The following CHCHD6 variants were observed in gnomAD, a reference collection of about 807,000 sequenced individuals.
CHCHD6 encodes the protein coiled-coil-helix-coiled-coil-helix domain containing 6, also known as MICOS complex subunit MIC25.
CHCHD6 carries 28 observed loss-of-function variants against 32.3 expected under a neutral mutation model. The ratio of observed to expected loss-of-function variants is 0.87; its 90% confidence interval spans 0.64 to 1.19. The LOEUF (loss-of-function observed/expected upper bound fraction) is 1.19. Ranked by LOEUF, CHCHD6 falls within the 50% of genes most tolerant of loss-of-function variation. CHCHD6 has a pLI of 0.00. For missense variants in CHCHD6, 333 were observed against 307.0 expected (o/e 1.08, Z -0.63); for synonymous variants, 122 against 117.5 (o/e 1.04, Z -0.25).
intron 6 of CHCHD6, among the ~76,000 whole-genome samples, chr3:126,916,337 G>T (rs752074346): frequency 2.6e-5 from 4 of 151,868 alleles, no homozygotes; most frequent in Non-Finnish European, 5.9e-5. Flanking sequence ...GGAGGCGGAG[G>T]TTGCAGTGAG....
intron 1 of CHCHD6, among the ~76,000 whole-genome samples, chr3:126,718,536 C>T (rs1194108658): frequency 6.6e-6 from 1 of 152,228 alleles, no homozygotes; most frequent in Non-Finnish European, 1.5e-5. Context: ...GACTGCAAAG[C>T]ACTGAGTTCC....
intron 1 of CHCHD6, among the ~76,000 whole-genome samples, chr3:126,717,768 G>GGTGT (rs1553723716): frequency 3.6e-4 from 51 of 142,338 alleles, no homozygotes; most frequent in Non-Finnish European, 6.1e-4. Flanking sequence ...AGTGCTGAGG[G>GGTGT]GTGTGTGTGT....
intron 6 of CHCHD6, among the ~76,000 whole-genome samples, chr3:126,934,155 A>G (rs2078444302): frequency 6.6e-6 from 1 of 152,248 alleles, no homozygotes; most frequent in African/African-American, 2.4e-5. Flanking sequence ...ATTTGCAGCT[A>G]CAGAGGATAT....
At chr3:126,763,382 A>G (rs1937236472) in intron 4 of CHCHD6, among the ~76,000 whole-genome samples, 1 of 144,864 alleles carries the variant, frequency 6.9e-6, no homozygotes, top group Non-Finnish European at 1.5e-5. Context: ...GCTGCAGTAC[A>G]GTGGCATGAT....
chr3:126,814,625 G>T (rs1395350610), intron 4 of CHCHD6, among the ~76,000 whole-genome samples: 1 of 152,218 alleles, frequency 6.6e-6, no homozygotes, highest in Admixed American at 6.5e-5. Flanking sequence ...ACACTTAGAA[G>T]TTCCTGGAGA....
chr3:126,956,223 G>A (rs1332497909), intron 6 of CHCHD6, among the ~76,000 whole-genome samples: 1 of 152,194 alleles, frequency 6.6e-6, no homozygotes, highest in African/African-American at 2.4e-5. Flanking sequence ...CTTGAGGAAT[G>A]GCTTTCTACA....
At chr3:126,775,672 A>G (rs887579394) in intron 4 of CHCHD6, among the ~76,000 whole-genome samples, 2 of 152,228 alleles carry the variant, frequency 1.3e-5, no homozygotes, top group African/African-American at 2.4e-5. Context: ...CTAAAACTCT[A>G]GAGGTTAAGG....
intron 4 of CHCHD6, among the ~76,000 whole-genome samples, chr3:126,766,144 A>C (rs1386370783): frequency 6.6e-6 from 1 of 151,550 alleles, no homozygotes; most frequent in African/African-American, 2.4e-5. Context: ...AAAAAACTTA[A>C]AAAAAAACCT....
intron 5 of CHCHD6, chr3:126,865,681 C>G (rs1484642328): frequency 1.0e-6 from 1 of 985,256 alleles, no homozygotes; most frequent in African/African-American, 1.7e-5. Flanking sequence ...ACTGCCCCCA[C>G]TTCCATTACC....
Position 126,741,324 on chromosome 3 carries a change from C to A in CHCHD6, c.411+8102C>A, listed in dbSNP as rs1044842560. 7.4e-5 allele frequency among the ~76,000 whole-genome samples: 11 copies of A among 148,910 alleles called. No homozygotes were observed. In the South Asian group the frequency reaches 8.5e-4, roughly 12 times the overall value. Reference sequence around the variant, plus strand: ...ATGACAGAATTGATGTGAACTCATTCTTAAAACAAATCAGTGATTTTTTTT... The same window carrying A: ...ATGACAGAATTGATGTGAACTCATTATTAAAACAAATCAGTGATTTTTTTT... On this transcript the variant is annotated intron_variant, in intron 4 of 7. Coordinates refer to ENST00000290913, the MANE Select transcript of CHCHD6 (RefSeq NM_032343.3).
intron 5 of CHCHD6, among the ~76,000 whole-genome samples, chr3:126,862,662 C>A (rs1941976846): frequency 1.5e-5 from 2 of 132,160 alleles, no homozygotes; most frequent in African/African-American, 2.9e-5. Context: ...TCACCACCTC[C>A]CCCTCCTCCA....
In CHCHD6 at chr3:126,865,100, C is replaced by CTTT. The variant is rs1559890998; in HGVS notation, c.495+12370_495+12371insTTT. Among the ~76,000 whole-genome samples, 27 of 120,940 alleles carry CTTT rather than the reference C, an allele frequency of 2.2e-4. 1 individual carries two copies. Among genetic ancestry groups the CTTT allele is most frequent in the African/African-American group, 1.5e-3 (26 of 16,920 alleles). 79.3% of individuals were successfully genotyped at this position (120,940 alleles called of 152,430 possible). Reference sequence around the variant, plus strand: ...CCTCCACTTCTTCCTCCTCCTCCTCCACCACCACCTCCACTTCTTCCTCCT... The same window carrying CTTT: ...CCTCCACTTCTTCCTCCTCCTCCTCCTTTACCACCACCTCCACTTCTTCCTCCT... On this transcript the variant is annotated intron_variant, in intron 5 of 7. Coordinates refer to ENST00000290913, the MANE Select transcript of CHCHD6 (RefSeq NM_032343.3).
chr3:126,835,851 G>C (rs1420785537), intron 4 of CHCHD6, among the ~76,000 whole-genome samples: 1 of 152,328 alleles, frequency 6.6e-6, no homozygotes, highest in South Asian at 2.1e-4. Flanking sequence ...CAGGGATTCT[G>C]TTCTCCAGCA....
chr3:126,767,036 A>T (rs891419871), intron 4 of CHCHD6: 37 of 909,888 alleles, frequency 4.1e-5, no homozygotes, highest in Non-Finnish European at 5.6e-5. Context: ...TGCCTCAATG[A>T]AGATGGTCAC....
At chr3:126,772,319 T>G (rs1044266429) in intron 4 of CHCHD6, among the ~76,000 whole-genome samples, 3 of 152,140 alleles carry the variant, frequency 2.0e-5, no homozygotes, top group African/African-American at 7.2e-5. Context: ...GCCAGGATGG[T>G]CTTGATCTCC....
At chr3:126,782,021 C>T (rs1298743481) in intron 4 of CHCHD6, among the ~76,000 whole-genome samples, 2 of 151,794 alleles carry the variant, frequency 1.3e-5, no homozygotes, top group African/African-American at 2.4e-5. Context: ...GAGGAGTTGG[C>T]GGGTGGGGAG....
intron 6 of CHCHD6, among the ~76,000 whole-genome samples, chr3:126,917,748 A>G (rs555595051): frequency 3.9e-5 from 6 of 152,228 alleles, no homozygotes; most frequent in Admixed American, 3.9e-4. Context: ...ATGGGAGTGG[A>G]GGCCTCATGG....
intron 5 of CHCHD6, among the ~76,000 whole-genome samples, chr3:126,881,413 G>A (rs772029933): frequency 1.3e-5 from 2 of 152,206 alleles, no homozygotes; most frequent in African/African-American, 4.8e-5. Flanking sequence ...CATGCTGAGC[G>A]CAGCTTCTCC....
intron 6 of CHCHD6, among the ~76,000 whole-genome samples, chr3:126,926,514 G>A (rs562797264): frequency 4.6e-5 from 7 of 152,276 alleles, no homozygotes; most frequent in Non-Finnish European, 8.8e-5. Context: ...AAGGTGAAGT[G>A]GACCAGGGCA....
Sources: allele counts gnomAD v4.1 joint callset (sites outside exome capture counted in the v4.1 genomes callset), GRCh38; gene constraint gnomAD v4.1.1; transcripts MANE v1.5; gene names NCBI Gene and HGNC (gene_info 2026-07-23, HGNC 2026-07-21).